The following FAM53B variants were observed in gnomAD, a reference collection of about 807,000 sequenced individuals.
FAM53B encodes family with sequence similarity 53 member B, also known as protein FAM53B.
FAM53B carries 12 observed loss-of-function variants against 32.7 expected under a neutral mutation model. The observed-to-expected ratio is 0.37, with a 90% CI of 0.24 to 0.59. FAM53B has a LOEUF of 0.59. Ranked by LOEUF, FAM53B falls within the 20% of genes least tolerant of loss-of-function variation. The pLI, the probability that FAM53B is intolerant of heterozygous loss-of-function variation, is 0.72. For missense variants in FAM53B, 477 were observed against 577.7 expected (o/e 0.83, Z 1.79); for synonymous variants, 234 against 228.7 (o/e 1.02, Z -0.21).
intron 1 of FAM53B, among the ~76,000 whole-genome samples, chr10:124,742,109 T>TC (rs1950203752): frequency 6.6e-6 from 1 of 152,068 alleles, no homozygotes; most frequent in Non-Finnish European, 1.5e-5. Flanking sequence ...ATACAGGCCT[T>TC]CCCCACGCCT....
chr10:124,724,694 C>T (rs1564888756), intron 1 of FAM53B, among the ~76,000 whole-genome samples: 1 of 152,180 alleles, frequency 6.6e-6, no homozygotes, highest in Non-Finnish European at 1.5e-5. Flanking sequence ...TTATTTCCAT[C>T]CCCCAATATA....
At chr10:124,660,999 A>T (rs1474063280) in intron 4 of FAM53B, among the ~76,000 whole-genome samples, 2 of 151,044 alleles carry the variant, frequency 1.3e-5, no homozygotes, top group African/African-American at 4.9e-5. Context: ...AGACTTCACC[A>T]CTATACAATT....
chr10:124,637,823 T>A (rs1045206050), intron 4 of FAM53B, among the ~76,000 whole-genome samples: 1 of 152,080 alleles, frequency 6.6e-6, no homozygotes, highest in Admixed American at 6.5e-5. Flanking sequence ...CCCGAAAGAC[T>A]CTTCCTGCCA....
In FAM53B at chr10:124,712,170, C is replaced by T. The variant is rs564844462; in HGVS notation, c.-174-5283G>A. On this transcript the variant is annotated intron_variant, in intron 1 of 4. Transcript: ENST00000337318. ...AGGAGTTCAAGACCAGCCTGGCCAA[C>T]ACGGTGAAACCCCAACTCTACTAAA... Among the ~76,000 whole-genome samples, 15 of 152,216 alleles carry T rather than the reference C, an allele frequency of 9.9e-5. No individual in the cohort carries two copies. The South Asian group carries it at 1.0e-3, about 11-fold the overall frequency.
chr10:124,637,106 C>T (rs1317224428), intron 4 of FAM53B, among the ~76,000 whole-genome samples: 2 of 152,194 alleles, frequency 1.3e-5, no homozygotes, highest in African/African-American at 4.8e-5. Context: ...GCTGCCCTTT[C>T]TGACAAAATG....
At chr10:124,626,853 GC>G (rs1211057431) in intron 4 of FAM53B, among the ~76,000 whole-genome samples, 1 of 152,196 alleles carries the variant, frequency 6.6e-6, no homozygotes, top group Non-Finnish European at 1.5e-5. Context: ...ACGGCGCCAG[GC>G]AACTCTTCCA....
chr10:124,716,719 G>A (rs1037836262), intron 1 of FAM53B, among the ~76,000 whole-genome samples: 4 of 152,150 alleles, frequency 2.6e-5, no homozygotes. Flanking sequence ...TATGAAAGAA[G>A]AGCTTGCTAT....
chr10:124,731,441 C>CT (rs147986739), intron 1 of FAM53B, among the ~76,000 whole-genome samples: 427 of 152,334 alleles, frequency 2.8e-3, no homozygotes, highest in African/African-American at 8.9e-3. Flanking sequence ...GTGCCCTACT[C>CT]TTTCTTCTCT....
chr10:124,679,136 G>T (rs575212244), intron 4 of FAM53B, among the ~76,000 whole-genome samples: 120 of 152,314 alleles, frequency 7.9e-4, no homozygotes, highest in African/African-American at 2.8e-3. Flanking sequence ...AGAAGCCAGA[G>T]CCCAGCGGAA....
intron 2 of FAM53B, among the ~76,000 whole-genome samples, chr10:124,706,053 C>T (rs1160928723): frequency 2.0e-5 from 3 of 152,236 alleles, no homozygotes; most frequent in Non-Finnish European, 4.4e-5. Context: ...GGTCTGCTGA[C>T]AGGGTTCAGC....
At position 124,699,941 on chromosome 10, in the gene FAM53B, G is replaced by A. The variant is rs552450149; in HGVS notation, c.79-3729C>T. Among the ~76,000 whole-genome samples the A allele has an allele frequency of 5.3e-5, 8 of 152,344 alleles. No individual in the cohort carries two copies. In the East Asian group the frequency reaches 1.5e-3, roughly 29 times the overall value. On this transcript the variant is annotated intron_variant, in intron 2 of 4. Transcript: ENST00000337318. ...CTCCAGCCCTGCGAGCTCGCCCTGTGCTTCAGGGAGTTCTCTTTCGGGGTG... is the reference window on the plus strand; with the variant it reads ...CTCCAGCCCTGCGAGCTCGCCCTGTACTTCAGGGAGTTCTCTTTCGGGGTG...
chr10:124,719,578 G>A (rs554321440), intron 1 of FAM53B, among the ~76,000 whole-genome samples: 2 of 152,160 alleles, frequency 1.3e-5, no homozygotes, highest in Admixed American at 6.5e-5. Context: ...TTTGTCCGCA[G>A]CACACCCCAA....
chr10:124,654,996 G>A (rs992190279), intron 4 of FAM53B, among the ~76,000 whole-genome samples: 2 of 152,314 alleles, frequency 1.3e-5, no homozygotes, highest in Non-Finnish European at 2.9e-5. Context: ...GTCCCAAAGC[G>A]TGCCCAGGTT....
intron 1 of FAM53B, among the ~76,000 whole-genome samples, chr10:124,729,710 A>G (rs1412696015): frequency 6.6e-6 from 1 of 152,234 alleles, no homozygotes; most frequent in Non-Finnish European, 1.5e-5. Flanking sequence ...CTGACTGTAC[A>G]ATGCATTTCA....
chr10:124,744,169 T>C lies in FAM53B; in HGVS notation c.-331A>G, dbSNP rs1378582121. The C allele has an allele frequency of 6.8e-6, 1 of 146,962 alleles. No homozygotes were observed. The highest frequency in any genetic ancestry group is 1.5e-5 in the Non-Finnish European group (1 of 66,028). The allele number at this position is 146,962 out of a possible 1,614,324, so 9.1% of individuals were successfully genotyped here. A position where few individuals can be genotyped will look rare whatever the true frequency, so the allele number is the denominator to read the frequency against. ...GACTCCCGGGGAGGAGGAAATCGAC[T>C]TGTCACTTCCTGAAGTGTTTGCAAC... is the stretch of plus-strand genomic sequence containing the variant. On this transcript the variant is annotated 5_prime_UTR_variant, in exon 1 of 5. Transcript: ENST00000337318.
rs959643745 is a variant in FAM53B, at chr10:124,733,383, G to A, written c.-175+10630C>T. Among the ~76,000 whole-genome samples, 3 of 152,312 alleles carry A rather than the reference G, an allele frequency of 2.0e-5. No homozygotes were observed. Among genetic ancestry groups the A allele is most frequent in the South Asian group, 2.1e-4 (1 of 4,832 alleles). On this transcript the variant is annotated intron_variant, in intron 1 of 4. Coordinates refer to ENST00000337318, the MANE Select transcript of FAM53B (RefSeq NM_014661.4). The surrounding 1 kb of genome is among the most constrained non-coding windows in gnomAD (Gnocchi z 4.3). ...GCCAAGAGTCAGGTGACTCAGGCCC[G>A]CCATTCTCGAGTGTCTGTGTCAGCA...
Position 124,635,817 on chromosome 10 carries a change from G to C in FAM53B, c.907-12213C>G, listed in dbSNP as rs375122651. Among the ~76,000 whole-genome samples the C allele has an allele frequency of 9.9e-5, 15 of 152,228 alleles. No homozygotes were observed. The South Asian group carries it at 1.7e-3, about 17-fold the overall frequency. On this transcript the variant is annotated intron_variant, in intron 4 of 4. Transcript: ENST00000337318. ...ACAAAGTGGGTACATCTGTGCAGTG[G>C]AACACCGTGCAGCCAAAAAAAAGGG...
intron 4 of FAM53B, 54 bp downstream of exon 4, chr10:124,681,553 C>T (rs549596149): frequency 4.1e-6 from 6 of 1,467,608 alleles, no homozygotes; most frequent in Middle Eastern, 2.5e-4. Flanking sequence ...CGGCCCAGAA[C>T]CAGCAGAGGC....
At chr10:124,657,040 A>G (rs1283243520) in intron 4 of FAM53B, among the ~76,000 whole-genome samples, 1 of 144,200 alleles carries the variant, frequency 6.9e-6, no homozygotes, top group Non-Finnish European at 1.5e-5. Context: ...AAGTATAAAT[A>G]TATATATATA....
Sources: gnomAD v4.1 joint callset for allele counts (sites outside exome capture counted in the v4.1 genomes callset) on GRCh38, gnomAD v4.1.1 for gene constraint, Gnocchi (gnomAD v3.1) non-coding constraint, MANE v1.5 for transcripts, NCBI Gene and HGNC (gene_info 2026-07-23, HGNC 2026-07-21) for gene names.